UTS2B: variants seen among roughly 807,000 people sequenced by gnomAD.
UTS2B encodes urotensin 2B, also known as urotensin-2B.
In UTS2B, 21 loss-of-function variants were observed where a neutral mutation model predicts 19.2. The observed-to-expected ratio is 1.09, with a 90% confidence interval of 0.78 to 1.58. The LOEUF is 1.58. Among genes scored for constraint, UTS2B ranks in the 40% most tolerant of loss-of-function variants. The pLI, the probability that UTS2B is intolerant of heterozygous loss-of-function variation, is 0.00. For synonymous variants in UTS2B, 57 were observed against 50.2 expected, an observed-to-expected ratio of 1.14 and a Z score of -0.58; for missense variants, 138 against 130.3, an observed-to-expected ratio of 1.06 and a Z score of -0.29.
At chr3:191,335,343 C>G (rs1275345849), upstream of UTS2B, among the ~76,000 whole-genome samples, 1 of 152,210 alleles carries the variant, frequency 6.6e-6, no homozygotes, top group East Asian at 1.9e-4. Flanking sequence ...ACTGGAAGTG[C>G]CATTGGATTA....
chr3:191,344,353 G>A, the UTS2B span, among the ~76,000 whole-genome samples: 8 of 152,134 alleles, frequency 5.3e-5, no homozygotes, highest in Admixed American at 2.0e-4. Flanking sequence ...CAGAATAGTA[G>A]CCACCAGCCC....
At chr3:191,296,857 G>A (rs1247566404) in intron 4 of UTS2B, among the ~76,000 whole-genome samples, 1 of 152,176 alleles carries the variant, frequency 6.6e-6, no homozygotes, top group Non-Finnish European at 1.5e-5. Flanking sequence ...TATTTAGCTG[G>A]TTTTCTCCTA....
At chr3:191,306,535 A>G (rs1046745786) in intron 3 of UTS2B, among the ~76,000 whole-genome samples, 3 of 152,266 alleles carry the variant, frequency 2.0e-5, no homozygotes, top group African/African-American at 4.8e-5. Flanking sequence ...GCACAGAGAC[A>G]TTTATAATGG....
chr3:191,315,467 G>A (rs1181200591), intron 3 of UTS2B, among the ~76,000 whole-genome samples: 9 of 152,194 alleles, frequency 5.9e-5, no homozygotes, highest in Admixed American at 5.9e-4. Flanking sequence ...TGCTGGATCT[G>A]ATACCACCTC....
chr3:191,298,105 A>G (rs887153142), intron 4 of UTS2B, among the ~76,000 whole-genome samples: 3 of 152,220 alleles, frequency 2.0e-5, no homozygotes, highest in Non-Finnish European at 2.9e-5. Flanking sequence ...TGTAGCATAT[A>G]TATTCATCTT....
At chr3:191,269,605 A>G (rs1172584858) in intron 8 of UTS2B, among the ~76,000 whole-genome samples, 1 of 152,052 alleles carries the variant, frequency 6.6e-6, no homozygotes, top group Non-Finnish European at 1.5e-5. Flanking sequence ...TACAGCTTCA[A>G]GTGATTCTCT....
intron 2 of UTS2B, among the ~76,000 whole-genome samples, chr3:191,318,753 G>T (rs568631709): frequency 3.3e-5 from 5 of 152,366 alleles, no homozygotes; most frequent in African/African-American, 1.2e-4. Context: ...TGACAGGTGT[G>T]AGCTGCTGTG....
intron 4 of UTS2B, among the ~76,000 whole-genome samples, chr3:191,300,787 TCTCTTG>T (rs1444807306): frequency 2.6e-5 from 4 of 152,360 alleles, no homozygotes; most frequent in South Asian, 2.1e-4. Flanking sequence ...GCCCCCTCTC[TCTCTTG>T]CTCTTGCTCT....
chr3:191,269,090 A>C (rs149705882), intron 8 of UTS2B, among the ~76,000 whole-genome samples: 2 of 152,364 alleles, frequency 1.3e-5, no homozygotes, highest in East Asian at 3.9e-4. Flanking sequence ...GGTTGTTACC[A>C]ATCACCTGAC....
chr3:191,292,399 C>T (rs1447350032), intron 4 of UTS2B, among the ~76,000 whole-genome samples: 2 of 151,870 alleles, frequency 1.3e-5, no homozygotes, highest in South Asian at 2.1e-4. Context: ...TTATTTTTTG[C>T]GTTGTTCTTT....
At chr3:191,301,606 C>A in intron 4 of UTS2B, among the ~76,000 whole-genome samples, 1 of 150,972 alleles carries the variant, frequency 6.6e-6, no homozygotes, top group East Asian at 2.0e-4. Flanking sequence ...CCTGCCTCAA[C>A]CTCCCGAGTA....
At chr3:191,280,160 C>G (rs1444659119) in intron 5 of UTS2B, among the ~76,000 whole-genome samples, 1 of 152,074 alleles carries the variant, frequency 6.6e-6, no homozygotes, top group Non-Finnish European at 1.5e-5. Flanking sequence ...GTTTTTACTG[C>G]ACAGAGACAA....
At chr3:191,335,401 T>G (rs1439747898), upstream of UTS2B, among the ~76,000 whole-genome samples, 3 of 152,180 alleles carry the variant, frequency 2.0e-5, no homozygotes, top group Non-Finnish European at 2.9e-5. Context: ...GCTTCAAAAA[T>G]GTAAAATTAG....
At chr3:191,277,966 G>A in intron 6 of UTS2B, 106 bp downstream of exon 6, 1 of 591,336 alleles carries the variant, frequency 1.7e-6, no homozygotes, top group South Asian at 2.5e-5. Flanking sequence ...ATATAAAAGA[G>A]TAATTATTTC....
At chr3:191,318,898 T>G (rs893819044) in intron 2 of UTS2B, among the ~76,000 whole-genome samples, 3 of 152,246 alleles carry the variant, frequency 2.0e-5, no homozygotes, top group Admixed American at 2.0e-4. Context: ...TTTGTAAATT[T>G]TATATGTATT....
At chr3:191,291,441 T>G (rs1560137867) in intron 4 of UTS2B, among the ~76,000 whole-genome samples, 2 of 148,668 alleles carry the variant, frequency 1.3e-5, no homozygotes. Context: ...ACTCTAAAAT[T>G]TAGGTCTTTG....
chr3:191,272,824 T>G (rs1448443460), intron 8 of UTS2B, among the ~76,000 whole-genome samples: 1 of 144,492 alleles, frequency 6.9e-6, no homozygotes, highest in Admixed American at 7.0e-5. Context: ...TAGCGTGCCA[T>G]TGCACTCCAG....
chr3:191,286,981 T>C (rs1716562920), intron 4 of UTS2B, among the ~76,000 whole-genome samples: 1 of 148,926 alleles, frequency 6.7e-6, no homozygotes, highest in Admixed American at 6.9e-5. Context: ...CAAGCAACTG[T>C]ATGTCAACAA....
chr3:191,310,003 C>A (rs1432139929), intron 3 of UTS2B, among the ~76,000 whole-genome samples: 1 of 151,616 alleles, frequency 6.6e-6, no homozygotes, highest in Non-Finnish European at 1.5e-5. Context: ...CACTCTGTCA[C>A]CCAGGCTGGA....
Sources: allele counts gnomAD v4.1 joint callset (sites outside exome capture counted in the v4.1 genomes callset), GRCh38; gene constraint gnomAD v4.1.1; transcripts MANE v1.5; gene names NCBI Gene and HGNC (gene_info 2026-07-23, HGNC 2026-07-21).